The following ME1 variants were observed in gnomAD, a reference collection of about 807,000 sequenced individuals.
The protein encoded by ME1 is NADP-dependent malic enzyme.
Under a neutral mutation model 66.4 loss-of-function variants are expected in ME1, and 74 were observed. That is an observed-to-expected ratio of 1.11 (90% CI 0.92 to 1.35). The LOEUF (loss-of-function observed/expected upper bound fraction) is 1.35. Ranked by LOEUF, ME1 falls within the 40% of genes most tolerant of loss-of-function variation. ME1 has a pLI of 0.00. For missense variants in ME1, 750 were observed against 694.1 expected (o/e 1.08, Z -0.90); for synonymous variants, 251 against 235.6 (o/e 1.07, Z -0.60).
chr6:83,371,551 T>A (rs3778202), intron 3 of ME1, among the ~76,000 whole-genome samples: 3,762 of 152,288 alleles, frequency 0.025, 156 homozygotes, highest in East Asian at 0.16. Context: ...AAAGAAAATG[T>A]ATCAACAGAA....
chr6:83,403,836 T>G (rs184459232), intron 2 of ME1, among the ~76,000 whole-genome samples: 10 of 152,242 alleles, frequency 6.6e-5, no homozygotes, highest in African/African-American at 2.4e-4. Context: ...TAACTCATTC[T>G]TTTTAATGGC....
intron 9 of ME1, among the ~76,000 whole-genome samples, chr6:83,230,660 A>T (rs1178214789): frequency 6.6e-6 from 1 of 152,178 alleles, no homozygotes; most frequent in Admixed American, 6.5e-5. Flanking sequence ...GGCCAGGCGC[A>T]GTGGCTCATG....
At chr6:83,377,578 C>T (rs950829232) in intron 3 of ME1, among the ~76,000 whole-genome samples, 1 of 152,002 alleles carries the variant, frequency 6.6e-6, no homozygotes, top group Non-Finnish European at 1.5e-5. Flanking sequence ...TATTTGGCAG[C>T]ATACTGGCAA....
chr6:83,297,684 C>T (rs1385695620), intron 6 of ME1, among the ~76,000 whole-genome samples: 1 of 152,100 alleles, frequency 6.6e-6, no homozygotes, highest in East Asian at 1.9e-4. Flanking sequence ...CACCTATCAA[C>T]CCATCACCTA....
rs754296141 is a variant in ME1, at chr6:83,237,276, A to AAAGAAAGAAAGGAAGG, written c.1026+440_1026+441insCCTTCCTTTCTTTCTT. Among the ~76,000 whole-genome samples, 16 of 73,688 alleles carry AAAGAAAGAAAGGAAGG rather than the reference A, an allele frequency of 2.2e-4. 1 individual carries two copies. Among genetic ancestry groups the AAAGAAAGAAAGGAAGG allele is most frequent in the East Asian group, 3.1e-4 (1 of 3,206 alleles). The allele number at this position is 73,688 out of a possible 152,430, so 48.3% of individuals were successfully genotyped here. ...GAAAGAAAGAAAGAAAGAAAGAAAGAAAGGAAGGAAGGAAGGAAAGAAAGA... is the reference window on the plus strand; with the variant it reads ...GAAAGAAAGAAAGAAAGAAAGAAAGAAAGAAAGAAAGGAAGGAAGGAAGGAAGGAAGGAAAGAAAGA... On this transcript the variant is annotated intron_variant, in intron 9 of 13. Coordinates refer to ENST00000369705, the MANE Select transcript of ME1 (RefSeq NM_002395.6).
chr6:83,392,988 T>G (rs1769654658), intron 3 of ME1: 1 of 903,790 alleles, frequency 1.1e-6, no homozygotes, highest in Admixed American at 1.8e-5. Context: ...TGGGAAACTG[T>G]GGGGTGACGG....
intron 2 of ME1, among the ~76,000 whole-genome samples, chr6:83,404,270 T>C (rs1769892775): frequency 6.6e-6 from 1 of 152,222 alleles, no homozygotes; most frequent in African/African-American, 2.4e-5. Context: ...TGATGAGTTT[T>C]TTTTCATGAT....
In ME1 at chr6:83,211,503, C is replaced by G. The variant is rs1165596300; in HGVS notation, c.*421G>C. The G allele has an allele frequency of 6.7e-6, 1 of 148,324 alleles. No homozygotes were observed. Among genetic ancestry groups the G allele is most frequent in the Non-Finnish European group, 1.5e-5 (1 of 67,712 alleles). 9.2% of individuals were successfully genotyped at this position (148,324 alleles called of 1,614,324 possible). A position where few individuals can be genotyped will look rare whatever the true frequency, so the allele number is the denominator to read the frequency against. On this transcript the variant is annotated 3_prime_UTR_variant, in exon 14 of 14. Coordinates refer to ENST00000369705, the MANE Select transcript of ME1 (RefSeq NM_002395.6). ...GTTATTTCTGCTTAGCAAAAGTTCA[C>G]CTACGCCTAGATTCATTTCTAGCTT...
chr6:83,256,070 TATAAGC>T (rs1405503833), intron 6 of ME1, among the ~76,000 whole-genome samples: 1 of 152,184 alleles, frequency 6.6e-6, no homozygotes, highest in Non-Finnish European at 1.5e-5. Context: ...CATACTGGTT[TATAAGC>T]ATAGGCTCTG....
chr6:83,278,774 A>T (rs963691425), intron 6 of ME1, among the ~76,000 whole-genome samples: 3 of 152,164 alleles, frequency 2.0e-5, no homozygotes, highest in Admixed American at 6.5e-5. Flanking sequence ...ATCATTTTTT[A>T]AAATGCCAGA....
intron 5 of ME1, among the ~76,000 whole-genome samples, chr6:83,327,731 T>C (rs1353745523): frequency 6.6e-5 from 10 of 152,194 alleles, no homozygotes; most frequent in Admixed American, 3.9e-4. Flanking sequence ...TATTACCCTG[T>C]TAAGTACTTG....
At chr6:83,382,772 ATAAT>A (rs1371474637) in intron 3 of ME1, among the ~76,000 whole-genome samples, 10 of 152,224 alleles carry the variant, frequency 6.6e-5, no homozygotes, top group Admixed American at 6.5e-4. Context: ...GTTGGAAAAC[ATAAT>A]CAATCTAAGA....
intron 3 of ME1, among the ~76,000 whole-genome samples, chr6:83,355,950 T>C (rs978188493): frequency 1.3e-5 from 2 of 152,298 alleles, no homozygotes; most frequent in South Asian, 2.1e-4. Context: ...TCTTGTTTCA[T>C]GTTAGAATTG....
chr6:83,260,532 G>A lies in ME1; in HGVS notation c.705-6794C>T, dbSNP rs78107424. Among the ~76,000 whole-genome samples the A allele has an allele frequency of 5.5e-4, 83 of 152,216 alleles. 1 individual carries two copies. Among genetic ancestry groups the A allele is most frequent in the African/African-American group, 1.8e-3 (76 of 41,550 alleles). On this transcript the variant is annotated intron_variant, in intron 6 of 13. Coordinates refer to ENST00000369705, the MANE Select transcript of ME1 (RefSeq NM_002395.6). ...ATTTTATCACCTAGATGCTAAGCCT[G>A]GTACACAATAGTTACTTGTTCTGCT...
rs1407268926 is a variant in ME1, at chr6:83,211,717, A to G, written c.*207T>C. On this transcript the variant is annotated 3_prime_UTR_variant, in exon 14 of 14. Transcript: ENST00000369705. Reference sequence around the variant, plus strand: ...AGGCAGAATAATTCAGACAGAAACCATAAATAACCAGAAGGCAAAGTGAAG... The same window carrying G: ...AGGCAGAATAATTCAGACAGAAACCGTAAATAACCAGAAGGCAAAGTGAAG... 3 of 383,298 alleles carry G rather than the reference A, an allele frequency of 7.8e-6. No individual in the cohort carries two copies. Among genetic ancestry groups the G allele is most frequent in the Non-Finnish European group, 1.4e-5 (3 of 216,516 alleles). 23.7% of individuals were successfully genotyped at this position (383,298 alleles called of 1,614,324 possible).
chr6:83,330,541 A>G (rs1405005489), intron 5 of ME1, among the ~76,000 whole-genome samples: 1 of 152,214 alleles, frequency 6.6e-6, no homozygotes, highest in African/African-American at 2.4e-5. Flanking sequence ...ATAATTCTGA[A>G]GTGGTGAGAA....
intron 3 of ME1, among the ~76,000 whole-genome samples, chr6:83,391,691 T>A (rs1769623204): frequency 6.6e-6 from 1 of 152,122 alleles, no homozygotes; most frequent in Non-Finnish European, 1.5e-5. Context: ...TGTGAACTCA[T>A]CCCCTACTCT....
In ME1 at chr6:83,430,955, G is replaced by A; in HGVS notation, c.-1C>T. ...GGCGACGGGGGGCTTCGGGCTCCAT[G>A]GCTGGCGCCGGGTTCGGCGGCGGGG... On this transcript the variant is annotated 5_prime_UTR_variant, in exon 1 of 14. Transcript: ENST00000369705. 2 of 1,562,068 alleles carry A rather than the reference G, an allele frequency of 1.3e-6. No individual in the cohort carries two copies. The highest frequency in any genetic ancestry group is 1.7e-6 in the Non-Finnish European group (2 of 1,156,524).
At chr6:83,319,636 G>C (rs1178479919) in intron 5 of ME1, among the ~76,000 whole-genome samples, 2 of 152,178 alleles carry the variant, frequency 1.3e-5, no homozygotes, top group Non-Finnish European at 2.9e-5. Flanking sequence ...TCTTATGAAA[G>C]AGGAAGGATA....
Sources: gnomAD v4.1 joint callset for allele counts (sites outside exome capture counted in the v4.1 genomes callset) on GRCh38, gnomAD v4.1.1 for gene constraint, MANE v1.5 for transcripts, NCBI Gene and HGNC (gene_info 2026-07-23, HGNC 2026-07-21) for gene names.